The following NUTM2G variants were observed in gnomAD, a reference collection of about 807,000 sequenced individuals.
NUTM2G encodes family with sequence similarity 22, member G.
NUTM2G carries 29 observed loss-of-function variants against 44.3 expected under a neutral mutation model. The ratio of observed to expected loss-of-function variants is 0.66; its 90% confidence interval spans 0.49 to 0.89. The LOEUF (loss-of-function observed/expected upper bound fraction) is 0.89, where lower values mean the gene tolerates loss of function less well. NUTM2G is among the 40% of genes least tolerant of loss of function. The pLI is 0.00. For missense variants in NUTM2G, 502 were observed against 946.5 expected (o/e 0.53, Z 6.16); for synonymous variants, 205 against 395.9 (o/e 0.52, Z 5.72).
At chr9:96,935,577 G>A (rs891069809) in intron 3 of NUTM2G, 121 bp downstream of exon 3, 44 of 1,577,846 alleles carry the variant, frequency 2.8e-5, no homozygotes, top group Middle Eastern at 2.3e-4. Context: ...AACACAGGAC[G>A]CCCTGGGCCC....
At chr9:96,934,476 C>G (rs376180126) in intron 2 of NUTM2G, among the ~76,000 whole-genome samples, 1 of 151,936 alleles carries the variant, frequency 6.6e-6, no homozygotes, top group East Asian at 1.9e-4. Context: ...GTAGCCGCCC[C>G]GGGCTCACAG....
At chr9:96,929,248 G>T (rs576823360) in intron 1 of NUTM2G, among the ~76,000 whole-genome samples, 1 of 152,106 alleles carries the variant, frequency 6.6e-6, no homozygotes, top group Admixed American at 6.5e-5. Context: ...CAAGATGCCT[G>T]GGGGAATACA....
Position 96,934,663 on chromosome 9 carries a change from C to T in NUTM2G, c.714-665C>T, listed in dbSNP as rs549983450. 9.9e-5 allele frequency among the ~76,000 whole-genome samples: 15 copies of T among 151,474 alleles called. No individual in the cohort carries two copies. The South Asian group carries it at 3.1e-3, about 32-fold the overall frequency. The stretch of plus-strand genomic sequence containing the variant: ...GAGTCCCCAGGAAGCTGGTTAAATG[C>T]TCAGTCCTGTGGCCCAGGAACCTGC... On this transcript the variant is annotated intron_variant, in intron 2 of 6. Transcript: ENST00000372322.
At position 96,937,205 on chromosome 9, in the gene NUTM2G, T is replaced by G; in HGVS notation, c.1124T>G (p.Ile375Ser). The G allele has an allele frequency of 6.2e-7, 1 of 1,612,594 alleles. No individual in the cohort carries two copies. The highest frequency in any genetic ancestry group is 2.2e-5 in the East Asian group (1 of 44,866). Reference protein sequence around the residue: ...RPAETKVPEEIPPEVVQEYVD... With the variant: ...RPAETKVPEESPPEVVQEYVD... ...GCAGAGACCAAGGTCCCTGAGGAGA[T>G]CCCCCCTGAAGTGGTGCAGGAGTAT... The change falls in exon 5 of 7, where the codon ATC becomes AGC. Residue 375 changes from isoleucine to serine, a missense_variant. Transcript: ENST00000372322.
chr9:96,932,538 G>T lies in NUTM2G; in HGVS notation c.713+120G>T, dbSNP rs1186253019. On this transcript the variant is annotated intron_variant, in intron 2 of 6. Transcript: ENST00000372322. ...AGGGCGGTTGTGAGGGTGATGGGTT[G>T]TGCTATGGGAAGGTACATTTTCAGC... is the stretch of plus-strand genomic sequence containing the variant. The T allele has an allele frequency of 1.8e-5, 24 of 1,304,936 alleles. No individual in the cohort carries two copies. In the Admixed American group the frequency reaches 2.5e-4, roughly 14 times the overall value. 80.8% of individuals were successfully genotyped at this position (1,304,936 alleles called of 1,614,324 possible). A position where few individuals can be genotyped will look rare whatever the true frequency, so the allele number is the denominator to read the frequency against.
Position 96,928,994 on chromosome 9 carries a change from G to C in NUTM2G, c.-31G>C, listed in dbSNP as rs961203810. On this transcript the variant is annotated 5_prime_UTR_variant, in exon 1 of 7. Transcript: ENST00000372322. ...ACTTTTTTCATTGCGGAAGCTGCCA[G>C]ACAGTGGTGGTCAGTGCCCAGCCTG... The C allele has an allele frequency of 1.2e-6, 2 of 1,607,966 alleles. No homozygotes were observed. Among genetic ancestry groups the C allele is most frequent in the Admixed American group, 1.7e-5 (1 of 59,720 alleles).
chr9:96,930,516 T>C (rs1588198396), intron 1 of NUTM2G, among the ~76,000 whole-genome samples: 2 of 123,228 alleles, frequency 1.6e-5, no homozygotes, highest in Admixed American at 8.5e-5. Flanking sequence ...AGAGCGAGAC[T>C]CCGTCTCAAA....
chr9:96,935,830 C>T lies in NUTM2G; in HGVS notation c.842+374C>T, dbSNP rs78377736. Among the ~76,000 whole-genome samples, 1,312 of 152,234 alleles carry T rather than the reference C, an allele frequency of 8.6e-3. 23 individuals carry two copies. Among genetic ancestry groups the T allele is most frequent in the African/African-American group, 0.03 (1,230 of 41,518 alleles). ...GCTCCTCACAGCAGTGGCCGGAAGT[C>T]GGTTTTCTCCCATCCCAGCCTGGCC... On this transcript the variant is annotated intron_variant, in intron 3 of 6. Coordinates refer to ENST00000372322, the MANE Select transcript of NUTM2G (RefSeq NM_001170741.3).
chr9:96,934,795 T>C (rs922282745), intron 2 of NUTM2G, among the ~76,000 whole-genome samples: 29 of 152,204 alleles, frequency 1.9e-4, no homozygotes, highest in African/African-American at 7.0e-4. Context: ...GACACATTCA[T>C]GTCTCCCAGT....
chr9:96,935,742 T>A (rs1229417617), intron 3 of NUTM2G, among the ~76,000 whole-genome samples: 1 of 151,488 alleles, frequency 6.6e-6, no homozygotes, highest in South Asian at 2.1e-4. Context: ...CCAAAGGGGG[T>A]CTCCTCCAGC....
intron 1 of NUTM2G, among the ~76,000 whole-genome samples, chr9:96,930,872 G>GTGTTTTTTT: frequency 1.4e-5 from 1 of 72,724 alleles, no homozygotes; most frequent in African/African-American, 5.7e-5. Context: ...CCATCCAGTG[G>GTGTTTTTTT]TTTTTTTTTT....
chr9:96,937,480 T>A (rs1826473463), intron 5 of NUTM2G, 76 bp downstream of exon 5: 1 of 1,306,696 alleles, frequency 7.7e-7, no homozygotes, highest in East Asian at 2.3e-5. Flanking sequence ...TTAAGCTCTG[T>A]TCCTTAGCTA....
At position 96,936,517 on chromosome 9, in the gene NUTM2G, G is replaced by A. The variant is rs1271853289; in HGVS notation, c.935G>A (p.Arg312Lys). 7 of 1,552,886 alleles carry A rather than the reference G, an allele frequency of 4.5e-6. No individual in the cohort carries two copies. The African/African-American group carries it at 5.4e-5, about 12-fold the overall frequency. Residue 312 changes from arginine (R) to lysine (K), a missense_variant, in exon 4 of 7, where the codon AGG becomes AAG. Arg to Lys is a conservative substitution (Grantham distance 26). Coordinates refer to ENST00000372322, the MANE Select transcript of NUTM2G (RefSeq NM_001170741.3). ...AGCCTGCCTCCTCCAGCCCCGCCGA[G>A]GCTTGAACCTCGAGGACCCCCTGCC... Reference protein sequence around the residue: ...PQSLPPPAPPRLEPRGPPAPE... With the variant: ...PQSLPPPAPPKLEPRGPPAPE...
At chr9:96,929,061 C>A (rs374101719) in intron 1 of NUTM2G, 21 bp downstream of exon 1, 19 of 1,610,362 alleles carry the variant, frequency 1.2e-5, no homozygotes, top group African/African-American at 1.4e-5. Flanking sequence ...AGGGATGGGG[C>A]ATTATCCTAG....
chr9:96,934,462 G>C (rs572109950), intron 2 of NUTM2G, among the ~76,000 whole-genome samples: 2 of 151,890 alleles, frequency 1.3e-5, no homozygotes, highest in Non-Finnish European at 2.9e-5. Context: ...CTGATTCTTG[G>C]AGTGTAGCCG....
At chr9:96,940,673 C>T (rs1455494025), downstream of NUTM2G, among the ~76,000 whole-genome samples, 1 of 152,154 alleles carries the variant, frequency 6.6e-6, no homozygotes, top group Non-Finnish European at 1.5e-5. Flanking sequence ...GAGCTGTGGT[C>T]ATGGTGCTGG....
downstream of NUTM2G, among the ~76,000 whole-genome samples, chr9:96,941,330 C>G (rs2119050498): frequency 6.7e-6 from 1 of 149,360 alleles, no homozygotes; most frequent in African/African-American, 2.4e-5. Context: ...CCTAAATGGG[C>G]ACAGTGGGGC....
chr9:96,940,619 C>T (rs567520559), downstream of NUTM2G, among the ~76,000 whole-genome samples: 12 of 151,942 alleles, frequency 7.9e-5, no homozygotes, highest in African/African-American at 2.7e-4. Flanking sequence ...GGCTCAGGAC[C>T]GCTGTGACTG....
At chr9:96,937,564 GTT>G (rs768812120) in intron 5 of NUTM2G, among the ~76,000 whole-genome samples, 160 bp downstream of exon 5, 4 of 151,888 alleles carry the variant, frequency 2.6e-5, no homozygotes, top group African/African-American at 4.8e-5. Context: ...GTTGCTGTGT[GTT>G]TGTGTCTGTG....
Sources: allele counts gnomAD v4.1 joint callset (sites outside exome capture counted in the v4.1 genomes callset), GRCh38; gene constraint gnomAD v4.1.1; transcripts MANE v1.5; gene names NCBI Gene and HGNC (gene_info 2026-07-23, HGNC 2026-07-21).